The following DIS3L2 variants were observed in gnomAD, a reference collection of about 807,000 sequenced individuals.
DIS3L2 encodes the protein DIS3-like exonuclease 2.
In DIS3L2, 34 loss-of-function variants were observed where a neutral mutation model predicts 97.5. That is an observed-to-expected ratio of 0.35 (90% CI 0.27 to 0.46). The LOEUF (loss-of-function observed/expected upper bound fraction) is 0.46. Among genes scored for constraint, DIS3L2 ranks in the 20% least tolerant of loss-of-function variants. The probability of loss-of-function intolerance (pLI) is 1.00; values close to 1 mark genes in which losing one functional copy is unlikely to be tolerated. For missense variants in DIS3L2, 1,038 were observed against 1,146.0 expected, an observed-to-expected ratio of 0.91 and a Z score of 1.36; for synonymous variants, 435 against 445.2, an observed-to-expected ratio of 0.98 and a Z score of 0.29.
intron 9 of DIS3L2, among the ~76,000 whole-genome samples, chr2:232,165,272 TAAGTC>T (rs1690770627): frequency 6.6e-6 from 1 of 152,230 alleles, no homozygotes; most frequent in Non-Finnish European, 1.5e-5. Flanking sequence ...AATATATTAT[TAAGTC>T]AAGCAAGTTT....
intron 1 of DIS3L2, among the ~76,000 whole-genome samples, chr2:231,998,689 A>G (rs1693794682): frequency 6.6e-6 from 1 of 152,242 alleles, no homozygotes; most frequent in Admixed American, 6.5e-5. Context: ...ACTCTTACCA[A>G]CTAGTTTTAG....
At chr2:232,303,363 A>G (rs1694910616) in intron 14 of DIS3L2, among the ~76,000 whole-genome samples, 1 of 152,218 alleles carries the variant, frequency 6.6e-6, no homozygotes, top group South Asian at 2.1e-4. Flanking sequence ...TTATTTAGGA[A>G]ATGAAGATAC....
chr2:232,226,596 A>G (rs748141952), intron 10 of DIS3L2, among the ~76,000 whole-genome samples: 3 of 152,356 alleles, frequency 2.0e-5, no homozygotes, highest in Non-Finnish European at 4.4e-5. Context: ...GAGAGAGGCT[A>G]CAAGTGAACT....
At chr2:232,287,330 G>A (rs889938667) in intron 13 of DIS3L2, among the ~76,000 whole-genome samples, 16 of 141,262 alleles carry the variant, frequency 1.1e-4, no homozygotes, top group Non-Finnish European at 2.2e-4. Context: ...TTCATAGTTA[G>A]CATTACAAAT....
chr2:232,140,100 G>A (rs1698469165), intron 8 of DIS3L2, among the ~76,000 whole-genome samples: 1 of 152,084 alleles, frequency 6.6e-6, no homozygotes, highest in Non-Finnish European at 1.5e-5. Flanking sequence ...CAAGCTGAGT[G>A]TGTATGTTCA....
chr2:232,215,985 C>G (rs1339770076), intron 10 of DIS3L2, among the ~76,000 whole-genome samples: 6 of 152,176 alleles, frequency 3.9e-5, no homozygotes, highest in South Asian at 2.1e-4. Flanking sequence ...ACCCCAGCCC[C>G]TTTACATTTC....
rs1696707042 is a variant in DIS3L2 at position 232,087,724 on chromosome 2, G to A, written c.601+3G>A. Reference sequence around the variant, plus strand: ...CTCAGTTTGTGTTTCTGAGAAAGGTGAGTACTAGACTATTGTCTTACTTTT... The same window carrying A: ...CTCAGTTTGTGTTTCTGAGAAAGGTAAGTACTAGACTATTGTCTTACTTTT... On this transcript the variant is annotated splice_donor_region_variant and intron_variant, in intron 6 of 20. Transcript: ENST00000325385. 2 of 1,610,814 alleles carry A rather than the reference G, an allele frequency of 1.2e-6. No homozygotes were observed. Among genetic ancestry groups the A allele is most frequent in the African/African-American group, 1.3e-5 (1 of 74,872 alleles).
At chr2:231,977,688 T>C (rs1228718526) in intron 1 of DIS3L2, among the ~76,000 whole-genome samples, 1 of 152,238 alleles carries the variant, frequency 6.6e-6, no homozygotes, top group African/African-American at 2.4e-5. Flanking sequence ...TAGAATTTGC[T>C]CTGACACTGC....
chr2:232,343,182 C>T, intron 13 of DIS3L2: 1 of 671,146 alleles, frequency 1.5e-6, no homozygotes, highest in South Asian at 1.9e-5. Flanking sequence ...TAGCTGCAGG[C>T]AAATATGAAG....
chr2:232,097,917 A>G (rs1697073395), intron 6 of DIS3L2, among the ~76,000 whole-genome samples: 1 of 152,176 alleles, frequency 6.6e-6, no homozygotes, highest in Admixed American at 6.5e-5. Flanking sequence ...ATGCTACTTG[A>G]GTATCACGGC....
chr2:232,139,772 G>A (rs556961362), intron 8 of DIS3L2, among the ~76,000 whole-genome samples: 11 of 152,160 alleles, frequency 7.2e-5, no homozygotes, highest in African/African-American at 2.6e-4. Context: ...AGATGAGAAG[G>A]GACATGCCTA....
Position 232,244,961 on chromosome 2 carries a change from G to A in DIS3L2, c.1318-4278G>A, listed in dbSNP as rs570305966. On this transcript the variant is annotated intron_variant, in intron 11 of 20. Coordinates refer to ENST00000325385, the MANE Select transcript of DIS3L2 (RefSeq NM_152383.5). ...AGGACTTGCAGAAGTAGGAAAGGGC[G>A]ATTATAAGATCGATCATAGGGTTTG... 3.9e-5 allele frequency among the ~76,000 whole-genome samples: 6 copies of A among 152,282 alleles called. No homozygotes were observed. The South Asian group carries it at 8.3e-4, about 21-fold the overall frequency.
Position 232,325,973 on chromosome 2 carries a change from A to G in DIS3L2, c.1740-3840A>G, listed in dbSNP as rs1274410479. Among the ~76,000 whole-genome samples, 1 of 152,106 alleles carries G rather than the reference A, an allele frequency of 6.6e-6. No homozygotes were observed. Among genetic ancestry groups the G allele is most frequent in the African/African-American group, 2.4e-5 (1 of 41,394 alleles). ...GCCCTTCGGGGCTCCCGTGGCCCAG[A>G]GTGTGGAGCGGCTCAACCTGACCAC... On this transcript the variant is annotated intron_variant, in intron 14 of 20. Transcript: ENST00000325385. The surrounding 1 kb of genome is among the most constrained non-coding windows in gnomAD (Gnocchi z 4.6).
At chr2:232,114,922 C>G (rs1381684838) in intron 6 of DIS3L2, among the ~76,000 whole-genome samples, 1 of 152,150 alleles carries the variant, frequency 6.6e-6, no homozygotes, top group Non-Finnish European at 1.5e-5. Context: ...GGGGCTGCAT[C>G]TAGTGAGGAC....
intron 9 of DIS3L2, among the ~76,000 whole-genome samples, chr2:232,175,886 G>T (rs538859839): frequency 4.9e-4 from 74 of 151,934 alleles, no homozygotes; most frequent in African/African-American, 1.5e-3. Context: ...TATCTTCCTA[G>T]AATTTTTTAT....
chr2:232,294,620 C>T (rs1187664905), intron 13 of DIS3L2, among the ~76,000 whole-genome samples: 3 of 152,170 alleles, frequency 2.0e-5, no homozygotes, highest in South Asian at 2.1e-4. Flanking sequence ...AGACACACAG[C>T]CTGCTCTCTG....
chr2:232,342,475 G>A (rs2106363340), intron 13 of DIS3L2, among the ~76,000 whole-genome samples: 1 of 152,206 alleles, frequency 6.6e-6, no homozygotes, highest in East Asian at 1.9e-4. Flanking sequence ...AGATCTGTTT[G>A]ATACTTTAAA....
chr2:232,019,782 G>A (rs1342396438), intron 3 of DIS3L2, among the ~76,000 whole-genome samples: 12 of 151,930 alleles, frequency 7.9e-5, no homozygotes, highest in Admixed American at 7.9e-4. Context: ...TCAGTGCCAA[G>A]CGTATACCAG....
chr2:232,249,813 T>C (rs552676240), intron 12 of DIS3L2, among the ~76,000 whole-genome samples: 1 of 152,284 alleles, frequency 6.6e-6, no homozygotes, highest in East Asian at 1.9e-4. Flanking sequence ...TCCTCTGAAG[T>C]GTCATGAGAA....
Sources: allele counts gnomAD v4.1 joint callset (sites outside exome capture counted in the v4.1 genomes callset), GRCh38; gene constraint gnomAD v4.1.1; non-coding constraint Gnocchi (gnomAD v3.1); transcripts MANE v1.5; gene names NCBI Gene and HGNC (gene_info 2026-07-23, HGNC 2026-07-21).